The following PIEZO2 variants were observed in gnomAD, a reference collection of about 807,000 sequenced individuals.
PIEZO2 encodes piezo-type mechanosensitive ion channel component 2.
A neutral mutation model predicts 337.3 loss-of-function variants in PIEZO2; 172 were observed. The ratio of observed to expected loss-of-function variants is 0.51; its 90% CI spans 0.45 to 0.58. The LOEUF is 0.58. Among genes scored for constraint, PIEZO2 ranks in the 20% least tolerant of loss-of-function variants. PIEZO2 has a pLI of 0.00. For synonymous variants in PIEZO2, 1,251 were observed against 1,228.5 expected, an observed-to-expected ratio of 1.02 and a Z score of -0.38; for missense variants, 3,028 against 3,391.3, an observed-to-expected ratio of 0.89 and a Z score of 2.66.
Position 10,833,468 on chromosome 18 carries a change from G to A in PIEZO2, c.917+21885C>T, listed in dbSNP as rs915201348. ...ATCTCCTGGGGCGGGGCTGAAGGTG[G>A]CAGAACATGCAGGCAGCTCGCTCCC... is the stretch of plus-strand genomic sequence containing the variant. On this transcript the variant is annotated intron_variant, in intron 7 of 55. Coordinates refer to ENST00000674853, the MANE Select transcript of PIEZO2 (RefSeq NM_001378183.1). The surrounding 1 kb of genome is among the most constrained non-coding windows in gnomAD (Gnocchi z 4.7). 1.3e-5 allele frequency among the ~76,000 whole-genome samples: 2 copies of A among 152,136 alleles called. No individual in the cohort carries two copies. The highest frequency in any genetic ancestry group is 2.9e-5 in the Non-Finnish European group (2 of 68,024).
At position 11,083,487 on chromosome 18, in the gene PIEZO2, G is replaced by A. The variant is rs1277066321; in HGVS notation, c.65-17265C>T. ...ATGCTGGCTGTGGCTTGGGGAAATG[G>A]AGGGGAACTAGAGAGAGGAGAAGCC... On this transcript the variant is annotated intron_variant, in intron 1 of 55. Coordinates refer to ENST00000674853, the MANE Select transcript of PIEZO2 (RefSeq NM_001378183.1). The surrounding 1 kb of genome is among the most constrained non-coding windows in gnomAD (Gnocchi z 4.4). 6.6e-6 allele frequency among the ~76,000 whole-genome samples: 1 copy of A among 152,190 alleles called. No individual in the cohort carries two copies. The highest frequency in any genetic ancestry group is 6.5e-5 in the Admixed American group (1 of 15,284).
chr18:10,743,178 A>G (rs990907412), intron 31 of PIEZO2, among the ~76,000 whole-genome samples: 4 of 152,202 alleles, frequency 2.6e-5, no homozygotes, highest in Non-Finnish European at 5.9e-5. Flanking sequence ...TATAATTTTT[A>G]TATATAACTT....
chr18:10,926,709 C>CA (rs1453492431), intron 3 of PIEZO2, among the ~76,000 whole-genome samples: 2 of 152,140 alleles, frequency 1.3e-5, no homozygotes, highest in Non-Finnish European at 2.9e-5. Context: ...GCACACTTGG[C>CA]AAAATACCCC....
chr18:10,690,577 G>A (rs12955109), intron 48 of PIEZO2, among the ~76,000 whole-genome samples: 41,557 of 152,102 alleles, frequency 0.27, 6,278 homozygotes, highest in Non-Finnish European at 0.35. Flanking sequence ...CACACACAGC[G>A]CTTCACAGCA....
intron 49 of PIEZO2, among the ~76,000 whole-genome samples, chr18:10,689,038 T>C (rs921000165): frequency 6.6e-5 from 10 of 152,184 alleles, no homozygotes; most frequent in African/African-American, 2.2e-4. Context: ...GAGGAGCCTT[T>C]TTCAAGGAGG....
chr18:11,090,609 A>C (rs2039046577), intron 1 of PIEZO2, among the ~76,000 whole-genome samples: 1 of 152,230 alleles, frequency 6.6e-6, no homozygotes, highest in African/African-American at 2.4e-5. Flanking sequence ...ATACAAGGCA[A>C]AAAATAAATG....
chr18:10,722,231 C>CT (rs546174129), intron 36 of PIEZO2, among the ~76,000 whole-genome samples: 28,160 of 140,900 alleles, frequency 0.2, 2,893 homozygotes, highest in South Asian at 0.3. Context: ...GGAGGAGAGA[C>CT]TTTTTTTTTT....
intron 52 of PIEZO2, among the ~76,000 whole-genome samples, chr18:10,678,972 A>G (rs2034143254): frequency 7.0e-6 from 1 of 142,454 alleles, no homozygotes; most frequent in Admixed American, 7.4e-5. Flanking sequence ...TCTTGCTGTC[A>G]CTCAGGCTGG....
chr18:10,701,043 A>G (rs1317585509), intron 43 of PIEZO2, among the ~76,000 whole-genome samples: 4 of 152,240 alleles, frequency 2.6e-5, no homozygotes, highest in Non-Finnish European at 5.9e-5. Context: ...ACACTGTTAC[A>G]TATCTATGTG....
At position 10,888,723 on chromosome 18, in the gene PIEZO2, A is replaced by G. The variant is rs1598635256; in HGVS notation, c.330-17308T>C. Among the ~76,000 whole-genome samples, 1 of 152,058 alleles carries G rather than the reference A, an allele frequency of 6.6e-6. No individual in the cohort carries two copies. Among genetic ancestry groups the G allele is most frequent in the African/African-American group, 2.4e-5 (1 of 41,390 alleles). On this transcript the variant is annotated intron_variant, in intron 4 of 55. Transcript: ENST00000674853. The surrounding 1 kb of genome is among the most constrained non-coding windows in gnomAD (Gnocchi z 4.1). ...AATCTTTGCTCTGATAGTGACAAAC[A>G]TGGCTCCCATTATCCTTAATATATT...
rs1352634953 is a variant in PIEZO2 at position 10,850,394 on chromosome 18, T to C, written c.917+4959A>G. Among the ~76,000 whole-genome samples the C allele has an allele frequency of 6.6e-6, 1 of 152,204 alleles. No individual in the cohort carries two copies. The highest frequency in any genetic ancestry group is 1.5e-5 in the Non-Finnish European group (1 of 68,038). Reference sequence around the variant, plus strand: ...GTTAACATTATGTTGGCCTAGGACCTGGACACCTGTGCATCCTCCAGCAGA... The same window carrying C: ...GTTAACATTATGTTGGCCTAGGACCCGGACACCTGTGCATCCTCCAGCAGA... On this transcript the variant is annotated intron_variant, in intron 7 of 55. Coordinates refer to ENST00000674853, the MANE Select transcript of PIEZO2 (RefSeq NM_001378183.1). The surrounding 1 kb of genome is among the most constrained non-coding windows in gnomAD (Gnocchi z 4.5).
rs151285627 is a variant in PIEZO2, at chr18:10,672,301, A to G, written c.8345+389T>C. 3.9e-5 allele frequency among the ~76,000 whole-genome samples: 6 copies of G among 152,336 alleles called. No homozygotes were observed. In the East Asian group the frequency reaches 1.2e-3, roughly 29 times the overall value. On this transcript the variant is annotated intron_variant, in intron 55 of 55. Coordinates refer to ENST00000674853, the MANE Select transcript of PIEZO2 (RefSeq NM_001378183.1). This position sits in a 1 kb window ranked among gnomAD's most constrained non-coding sequence, Gnocchi z 4.7. The stretch of plus-strand genomic sequence containing the variant: ...GTGCGTGTCCTAGGATTTAAGCATC[A>G]GAACATGATGCGATGTTTCAGAAGT...
At position 10,944,683 on chromosome 18, in the gene PIEZO2, G is replaced by A. The variant is rs902947404; in HGVS notation, c.287-33455C>T. On this transcript the variant is annotated intron_variant, in intron 3 of 55. Transcript: ENST00000674853. ...AAATTAGTGTGAACACAACATTAGA[G>A]GCAAGAGTGAGTAAAATAATATCTT... Among the ~76,000 whole-genome samples the A allele has an allele frequency of 2.0e-5, 3 of 151,632 alleles. No individual in the cohort carries two copies. The East Asian group carries it at 5.8e-4, about 29-fold the overall frequency.
rs1598343988 is a variant in PIEZO2, at chr18:10,677,643, A to G, written c.8081+104T>C. 1 of 1,356,218 alleles carries G rather than the reference A, an allele frequency of 7.4e-7. No individual in the cohort carries two copies. The highest frequency in any genetic ancestry group is 2.4e-5 in the East Asian group (1 of 41,722). 84.0% of individuals were successfully genotyped at this position (1,356,218 alleles called of 1,614,324 possible). On this transcript the variant is annotated intron_variant, in intron 53 of 55. Coordinates refer to ENST00000674853, the MANE Select transcript of PIEZO2 (RefSeq NM_001378183.1). This position sits in a 1 kb window ranked among gnomAD's most constrained non-coding sequence, Gnocchi z 4.1. ...AATAGAAATTAACTTTGTGTTACCA[A>G]AGAATGAAGTTGCATTCCTCATACA...
chr18:11,040,270 T>C (rs1452208611), intron 2 of PIEZO2, among the ~76,000 whole-genome samples: 1 of 152,214 alleles, frequency 6.6e-6, no homozygotes, highest in Admixed American at 6.5e-5. Context: ...CGCTTACTCC[T>C]TTAGCACTGT....
chr18:11,131,486 T>C lies in PIEZO2; in HGVS notation c.64+17039A>G, dbSNP rs930201856. Among the ~76,000 whole-genome samples the C allele has an allele frequency of 6.6e-6, 1 of 152,162 alleles. No homozygotes were observed. Among genetic ancestry groups the C allele is most frequent in the Admixed American group, 6.5e-5 (1 of 15,270 alleles). On this transcript the variant is annotated intron_variant, in intron 1 of 55. Transcript: ENST00000674853. The surrounding 1 kb of genome is among the most constrained non-coding windows in gnomAD (Gnocchi z 5.3). ...AGTTCTGCACGATATGTAGGCACCA[T>C]GTGAACATGGACAGCTGCAGCACTA...
intron 1 of PIEZO2, among the ~76,000 whole-genome samples, chr18:11,120,173 G>T (rs767393140): frequency 5.3e-5 from 8 of 152,106 alleles, no homozygotes; most frequent in Non-Finnish European, 1.0e-4. Flanking sequence ...TCCAGAATTT[G>T]TTATGTAATA....
intron 40 of PIEZO2, 29 bp downstream of exon 40, chr18:10,708,246 A>T (rs2035668288): frequency 6.5e-6 from 1 of 152,674 alleles, no homozygotes; most frequent in Non-Finnish European, 1.5e-5. Flanking sequence ...GATTAAAATG[A>T]CAGAACAAAG....
At chr18:10,732,356 T>A (rs898074039) in intron 35 of PIEZO2, among the ~76,000 whole-genome samples, 5 of 152,226 alleles carry the variant, frequency 3.3e-5, no homozygotes, top group African/African-American at 1.2e-4. Context: ...TTCATTATGA[T>A]GATAAAGTTA....
Sources: allele counts gnomAD v4.1 joint callset (sites outside exome capture counted in the v4.1 genomes callset), GRCh38; gene constraint gnomAD v4.1.1; non-coding constraint Gnocchi (gnomAD v3.1); transcripts MANE v1.5; gene names NCBI Gene and HGNC (gene_info 2026-07-23, HGNC 2026-07-21).